Variants in OTOP1 observed in about 807,000 individuals in gnomAD.
OTOP1 encodes the protein otopetrin 1.
Under a neutral mutation model 52.9 loss-of-function variants are expected in OTOP1, and 59 were observed. The observed-to-expected ratio is 1.12, with a 90% CI of 0.91 to 1.39. The LOEUF is 1.39. Ranked by LOEUF, OTOP1 falls within the 40% of genes most tolerant of loss-of-function variation. OTOP1 has a pLI of 0.00. For missense variants in OTOP1, 761 were observed against 800.9 expected (o/e 0.95, Z 0.60); for synonymous variants, 317 against 337.7 (o/e 0.94, Z 0.67).
At chr4:4,222,546 AT>A (rs1395702686) in intron 1 of OTOP1, among the ~76,000 whole-genome samples, 4 of 152,194 alleles carry the variant, frequency 2.6e-5, no homozygotes, top group Admixed American at 1.3e-4. Context: ...TGGCAGCCAC[AT>A]TCGCTTGTTT....
At position 4,213,310 on chromosome 4, in the gene OTOP1, A is replaced by G. The variant is rs1717064348; in HGVS notation, c.404-306T>C. On this transcript the variant is annotated intron_variant, in intron 1 of 5. Transcript: ENST00000296358. ...TAAACCTTGTAAAAGAAGACATGGGAGAAAGCTTCATGACATTGGCTTTGG... is the reference window on the plus strand; with the variant it reads ...TAAACCTTGTAAAAGAAGACATGGGGGAAAGCTTCATGACATTGGCTTTGG... 2.0e-5 allele frequency among the ~76,000 whole-genome samples: 3 copies of G among 152,330 alleles called. No homozygotes were observed. The South Asian group carries it at 6.2e-4, about 32-fold the overall frequency.
chr4:4,200,723 C>CTTTTTT lies in OTOP1; in HGVS notation c.730+1719_730+1724dup, dbSNP rs55863617. On this transcript the variant is annotated intron_variant, in intron 4 of 5. Transcript: ENST00000296358. ...CACAAGCCCATGCCAGCATGCCTGC[C>CTTTTTT]TTTTTTTTTTTTTTTTCAGAGCTGG... Among the ~76,000 whole-genome samples the CTTTTTT allele has an allele frequency of 5.6e-4, 60 of 106,504 alleles. 2 individuals are homozygous for CTTTTTT. The South Asian group carries it at 5.8e-3, about 10-fold the overall frequency. The allele number at this position is 106,504 out of a possible 152,430, so 69.9% of individuals were successfully genotyped here. A position where few individuals can be genotyped will look rare whatever the true frequency, so the allele number is the denominator to read the frequency against.
chr4:4,192,147 G>A (rs867528168), intron 5 of OTOP1, among the ~76,000 whole-genome samples: 1 of 152,194 alleles, frequency 6.6e-6, no homozygotes, highest in Non-Finnish European at 1.5e-5. Context: ...CCAGGCCTTA[G>A]GAGACAGGCA....
chr4:4,198,928 G>C (rs1716713267), intron 4 of OTOP1, among the ~76,000 whole-genome samples: 1 of 152,164 alleles, frequency 6.6e-6, no homozygotes, highest in African/African-American at 2.4e-5. Flanking sequence ...CGGTGACTCA[G>C]CCCTGTAATC....
rs57982980 is a variant in OTOP1, at chr4:4,202,565, G to C, written c.613C>G (p.His205Asp). ...AGAAGCAGGTTGGTGAACACCGAGT[G>C]GATCACTCCAAACCTGAAAAACACA... ...FKTLERFGVIHSVFTNLLLWA... is the reference protein window; with the variant it reads ...FKTLERFGVIDSVFTNLLLWA... The change falls in exon 4 of 6, where the codon CAC (histidine) becomes GAC (aspartate). Residue 205 changes from histidine (H) to aspartate (D), a missense_variant. Physicochemically the swap from His to Asp is moderately conservative, Grantham distance 81. Coordinates refer to ENST00000296358, the MANE Select transcript of OTOP1 (RefSeq NM_177998.3). The C allele has an allele frequency of 5.6e-6, 9 of 1,613,942 alleles. No individual in the cohort carries two copies. The East Asian group carries it at 2.0e-4, about 36-fold the overall frequency.
rs1391219350 is a variant in OTOP1, at chr4:4,226,509, C to T, written c.356G>A (p.Arg119His). 36 of 1,582,900 alleles carry T rather than the reference C, an allele frequency of 2.3e-5. No individual in the cohort carries two copies. Among genetic ancestry groups the T allele is most frequent in the Non-Finnish European group, 3.0e-5 (35 of 1,171,594 alleles). The change falls in exon 1 of 6, where the codon CGC becomes CAC. Residue 119 changes from arginine (R) to histidine (H), a missense_variant. Arg to His is a conservative substitution (Grantham distance 29, BLOSUM62 0). This residue lies in a region of OTOP1 where 56 missense variants were observed against 105.6 expected (regional missense o/e 0.53). Transcript: ENST00000296358. The part of the protein sequence containing the change: ...WYVGRSSAHR[R>H]LFRLKDTHAG... ...GTGCGTGTCCTTGAGGCGGAAGAGG[C>T]GGCGGTGCGCGGAGCTGCGGCCCAC...
In OTOP1 at chr4:4,204,833, G is replaced by A. The variant is rs558793462; in HGVS notation, c.599+1239C>T. On this transcript the variant is annotated intron_variant, in intron 3 of 5. Coordinates refer to ENST00000296358, the MANE Select transcript of OTOP1 (RefSeq NM_177998.3). The stretch of plus-strand genomic sequence containing the variant: ...GTTGCCCACGCTGGAGTGCAGTGGC[G>A]TGATCTCGGCTCACTGCAACCTCTG... Among the ~76,000 whole-genome samples, 17 of 152,104 alleles carry A rather than the reference G, an allele frequency of 1.1e-4. 1 individual carries two copies. The highest frequency in any genetic ancestry group is 3.4e-4 in the African/African-American group (14 of 41,500).
chr4:4,219,938 T>G (rs1480858075), intron 1 of OTOP1, among the ~76,000 whole-genome samples: 1 of 142,666 alleles, frequency 7.0e-6, no homozygotes, highest in African/African-American at 2.7e-5. Flanking sequence ...TGTATACATA[T>G]ATACACATAT....
At chr4:4,224,502 T>A (rs913455128) in intron 1 of OTOP1, among the ~76,000 whole-genome samples, 5 of 152,128 alleles carry the variant, frequency 3.3e-5, no homozygotes. Context: ...GCTTTGACTA[T>A]AGGAAAACAC....
rs1717286977 is a variant in OTOP1 at position 4,220,944 on chromosome 4, C to T, written c.403+5518G>A. Among the ~76,000 whole-genome samples the T allele has an allele frequency of 2.0e-5, 3 of 152,148 alleles. No homozygotes were observed. In the South Asian group the frequency reaches 6.2e-4, roughly 32 times the overall value. Reference sequence around the variant, plus strand: ...GCATCATGACCGGCAGCCATCTGACCTCTACTTGGACAAGCTCAGGGCTAG... The same window carrying T: ...GCATCATGACCGGCAGCCATCTGACTTCTACTTGGACAAGCTCAGGGCTAG... On this transcript the variant is annotated intron_variant, in intron 1 of 5. Transcript: ENST00000296358.
At chr4:4,195,065 A>G (rs1371205580) in intron 5 of OTOP1, among the ~76,000 whole-genome samples, 1 of 152,068 alleles carries the variant, frequency 6.6e-6, no homozygotes, top group Non-Finnish European at 1.5e-5. Context: ...TCATTCCAAA[A>G]CACAAATCTG....
intron 5 of OTOP1, among the ~76,000 whole-genome samples, chr4:4,192,012 C>G (rs774361452): frequency 1.3e-5 from 2 of 152,182 alleles, no homozygotes; most frequent in Non-Finnish European, 2.9e-5. Context: ...GTTCAGTTGG[C>G]TATAAATTCT....
chr4:4,202,668 G>A (rs1716815952), intron 3 of OTOP1, 90 bp from the exon 4 acceptor site: 1 of 1,502,470 alleles, frequency 6.7e-7, no homozygotes, highest in East Asian at 2.3e-5. Context: ...CAAATACATG[G>A]CTCCTTCTCA....
At chr4:4,200,458 G>A (rs375309623) in intron 4 of OTOP1, among the ~76,000 whole-genome samples, 4 of 138,200 alleles carry the variant, frequency 2.9e-5, no homozygotes, top group African/African-American at 5.6e-5. Flanking sequence ...CCTGGGCGAC[G>A]AGCGAGACTC....
At chr4:4,191,294 G>A (rs1368509081) in intron 5 of OTOP1, among the ~76,000 whole-genome samples, 5 of 152,060 alleles carry the variant, frequency 3.3e-5, no homozygotes, top group South Asian at 4.1e-4. Flanking sequence ...GACCATGGCG[G>A]TGGCCCCCTG....
intron 5 of OTOP1, among the ~76,000 whole-genome samples, chr4:4,194,052 G>T (rs1038218869): frequency 2.0e-5 from 3 of 152,080 alleles, no homozygotes; most frequent in African/African-American, 7.2e-5. Flanking sequence ...GCTGGGCATG[G>T]TGGTTGCATG....
chr4:4,206,141 A>G lies in OTOP1; in HGVS notation c.541-11T>C, dbSNP rs374048945. ...CCAAAGAAAATATACCTAGATGGAAATAAAGAAAGAAAAGAAAAATCGGTG... is the reference window on the plus strand; with the variant it reads ...CCAAAGAAAATATACCTAGATGGAAGTAAAGAAAGAAAAGAAAAATCGGTG... On this transcript the variant is annotated splice_polypyrimidine_tract_variant and intron_variant, in intron 2 of 5. Transcript: ENST00000296358. The G allele has an allele frequency of 8.2e-6, 13 of 1,590,808 alleles. No individual in the cohort carries two copies. Among genetic ancestry groups the G allele is most frequent in the African/African-American group, 1.3e-5 (1 of 74,232 alleles).
chr4:4,208,772 T>C (rs1047072932), intron 2 of OTOP1, among the ~76,000 whole-genome samples: 4 of 103,168 alleles, frequency 3.9e-5, no homozygotes, highest in African/African-American at 1.8e-4. Context: ...GTTATGTGAT[T>C]GTCAAACTAA....
chr4:4,190,133 T>C (rs920165084), intron 5 of OTOP1, among the ~76,000 whole-genome samples: 1 of 152,200 alleles, frequency 6.6e-6, no homozygotes, highest in African/African-American at 2.4e-5. Context: ...GACCTCTGTA[T>C]CCAGGGACCT....
Sources: allele counts gnomAD v4.1 joint callset (sites outside exome capture counted in the v4.1 genomes callset), GRCh38; gene constraint gnomAD v4.1.1; regional missense constraint gnomAD v4.1.1; transcripts MANE v1.5; gene names NCBI Gene and HGNC (gene_info 2026-07-23, HGNC 2026-07-21).